Variants in CNTNAP2 observed in about 807,000 individuals in gnomAD.
The protein encoded by CNTNAP2 is contactin associated protein 2.
In CNTNAP2, 98 loss-of-function variants were observed where a neutral mutation model predicts 155.2. That is an observed-to-expected ratio of 0.63 (90% CI 0.54 to 0.75). The LOEUF (loss-of-function observed/expected upper bound fraction) is 0.75. CNTNAP2 is among the 30% of genes least tolerant of loss of function. The pLI is 0.00. For missense variants in CNTNAP2, 1,727 were observed against 1,688.1 expected (o/e 1.02, Z -0.40); for synonymous variants, 651 against 631.2 (o/e 1.03, Z -0.47).
intron 11 of CNTNAP2, among the ~76,000 whole-genome samples, chr7:147,525,127 A>G (rs1246091017): frequency 1.3e-5 from 2 of 152,226 alleles, no homozygotes; most frequent in African/African-American, 4.8e-5. Flanking sequence ...ATCTAGCCTT[A>G]TTCTTAATTT....
chr7:147,591,581 C>T (rs1800734964), intron 12 of CNTNAP2, among the ~76,000 whole-genome samples: 1 of 152,090 alleles, frequency 6.6e-6, no homozygotes, highest in Non-Finnish European at 1.5e-5. Context: ...TTATTGCTAC[C>T]ACCTTACCAT....
intron 21 of CNTNAP2, among the ~76,000 whole-genome samples, chr7:148,326,265 C>T (rs577861419): frequency 6.6e-6 from 1 of 152,108 alleles, no homozygotes; most frequent in Admixed American, 6.5e-5. Flanking sequence ...TCAGGACCAT[C>T]TTTGGGGATC....
intron 10 of CNTNAP2, among the ~76,000 whole-genome samples, chr7:147,444,956 C>T (rs2116556674): frequency 6.6e-6 from 1 of 152,224 alleles, no homozygotes; most frequent in East Asian, 1.9e-4. Context: ...ACAAGCACGT[C>T]TTCACATGGT....
At chr7:146,752,455 C>T (rs1264695696) in intron 1 of CNTNAP2, among the ~76,000 whole-genome samples, 1 of 152,068 alleles carries the variant, frequency 6.6e-6, no homozygotes, top group Non-Finnish European at 1.5e-5. Context: ...TATCCTTTGC[C>T]CACTTGACGG....
chr7:146,518,098 T>C (rs755802569), intron 1 of CNTNAP2, among the ~76,000 whole-genome samples: 1 of 151,956 alleles, frequency 6.6e-6, no homozygotes, highest in African/African-American at 2.4e-5. Flanking sequence ...TTTTAAACTA[T>C]GACCCATTTC....
At chr7:147,623,544 A>G (rs1398823439) in intron 12 of CNTNAP2, among the ~76,000 whole-genome samples, 1 of 151,998 alleles carries the variant, frequency 6.6e-6, no homozygotes, top group Non-Finnish European at 1.5e-5. Context: ...GGAATTAACC[A>G]TAAAGTGAAA....
intron 1 of CNTNAP2, among the ~76,000 whole-genome samples, chr7:146,750,393 A>T (rs1801883047): frequency 6.6e-6 from 1 of 152,130 alleles, no homozygotes; most frequent in Admixed American, 6.6e-5. Flanking sequence ...ATTAATTTTT[A>T]AAATTTAACT....
intron 8 of CNTNAP2, among the ~76,000 whole-genome samples, chr7:147,177,743 T>G (rs1802377724): frequency 6.6e-6 from 1 of 152,130 alleles, no homozygotes; most frequent in Non-Finnish European, 1.5e-5. Context: ...CTGCTTGCAG[T>G]ATGTGAAGCC....
At chr7:147,577,198 C>A (rs1468684508) in intron 12 of CNTNAP2, among the ~76,000 whole-genome samples, 2 of 152,042 alleles carry the variant, frequency 1.3e-5, no homozygotes, top group Non-Finnish European at 2.9e-5. Context: ...TCGGTTCATT[C>A]ATCATACTTC....
intron 17 of CNTNAP2, among the ~76,000 whole-genome samples, chr7:148,157,571 C>A (rs865811409): frequency 6.3e-4 from 70 of 111,144 alleles, no homozygotes; most frequent in African/African-American, 9.1e-4. Flanking sequence ...GCAGAAGCAG[C>A]AAAAAAAAAA....
chr7:148,093,423 C>A (rs1193705623), intron 15 of CNTNAP2, among the ~76,000 whole-genome samples: 1 of 152,184 alleles, frequency 6.6e-6, no homozygotes, highest in Non-Finnish European at 1.5e-5. Context: ...TATTGTCATT[C>A]CCTAGAATTA....
At chr7:147,934,284 G>A (rs1022291585) in intron 14 of CNTNAP2, among the ~76,000 whole-genome samples, 1 of 152,100 alleles carries the variant, frequency 6.6e-6, no homozygotes, top group Non-Finnish European at 1.5e-5. Flanking sequence ...GGTTTAATTG[G>A]GCTTACAGTT....
At chr7:147,772,504 A>G (rs1415937961) in intron 13 of CNTNAP2, among the ~76,000 whole-genome samples, 2 of 138,978 alleles carry the variant, frequency 1.4e-5, no homozygotes, top group Non-Finnish European at 3.1e-5. Context: ...AAAAAAAACC[A>G]CAAAAGAGGT....
chr7:148,389,376 C>A (rs1416037599), intron 22 of CNTNAP2, among the ~76,000 whole-genome samples: 2 of 152,124 alleles, frequency 1.3e-5, no homozygotes, highest in African/African-American at 4.8e-5. Context: ...TCTCTCTTTG[C>A]CTGCTGCCAT....
intron 18 of CNTNAP2, among the ~76,000 whole-genome samples, chr7:148,198,554 A>G (rs1462617935): frequency 1.3e-5 from 2 of 152,202 alleles, no homozygotes; most frequent in Non-Finnish European, 1.5e-5. Context: ...TACAGCTATG[A>G]GGATTGTGAC....
intron 13 of CNTNAP2, among the ~76,000 whole-genome samples, chr7:147,776,978 CAT>C (rs1225302609): frequency 6.6e-6 from 1 of 151,584 alleles, no homozygotes; most frequent in Non-Finnish European, 1.5e-5. Flanking sequence ...GAATAAAGTA[CAT>C]GTCTCAAAAA....
At chr7:147,405,220 A>T (rs2116475541) in intron 10 of CNTNAP2, among the ~76,000 whole-genome samples, 1 of 152,358 alleles carries the variant, frequency 6.6e-6, no homozygotes, top group South Asian at 2.1e-4. Context: ...GAGAGATTTA[A>T]ATAAGCCAAT....
chr7:147,503,130 C>T (rs34705527), intron 11 of CNTNAP2, among the ~76,000 whole-genome samples: 48,593 of 151,964 alleles, frequency 0.32, 8,002 homozygotes, highest in East Asian at 0.43. Flanking sequence ...CTGGCAAGCC[C>T]ACGCTCCCCT....
chr7:148,225,888 C>T (rs1052185411), intron 19 of CNTNAP2, among the ~76,000 whole-genome samples: 1 of 152,142 alleles, frequency 6.6e-6, no homozygotes, highest in South Asian at 2.1e-4. Context: ...TGGCAATTCA[C>T]TGAAATGTGG....
Sources: gnomAD v4.1 joint callset for allele counts (sites outside exome capture counted in the v4.1 genomes callset) on GRCh38, gnomAD v4.1.1 for gene constraint, MANE v1.5 for transcripts, NCBI Gene and HGNC (gene_info 2026-07-23, HGNC 2026-07-21) for gene names.